Variants in RALGPS2 observed in about 807,000 individuals in gnomAD.
RALGPS2 encodes ras-specific guanine nucleotide-releasing factor RalGPS2.
Under a neutral mutation model 86.8 loss-of-function variants are expected in RALGPS2, and 43 were observed. The observed-to-expected ratio is 0.50, with a 90% CI of 0.39 to 0.64. RALGPS2 has a LOEUF of 0.64. Ranked by LOEUF, RALGPS2 falls within the 30% of genes least tolerant of loss-of-function variation. RALGPS2 has a pLI of 0.00. For synonymous variants in RALGPS2, 243 were observed against 231.3 expected (o/e 1.05, Z -0.46); for missense variants, 536 against 694.6 (o/e 0.77, Z 2.57).
chr1:178,847,335 A>G (rs1656916246), intron 8 of RALGPS2, among the ~76,000 whole-genome samples: 1 of 152,174 alleles, frequency 6.6e-6, no homozygotes, highest in Non-Finnish European at 1.5e-5. Flanking sequence ...AATCCCAGCT[A>G]CTGGGGAGGC....
chr1:178,812,622 T>C (rs1655035500), intron 6 of RALGPS2, among the ~76,000 whole-genome samples: 1 of 152,222 alleles, frequency 6.6e-6, no homozygotes, highest in African/African-American at 2.4e-5. Flanking sequence ...AATATATTTT[T>C]GGTTTCCTTT....
intron 8 of RALGPS2, chr1:178,868,978 T>G (rs761318327): frequency 6.6e-6 from 1 of 152,070 alleles, no homozygotes; most frequent in Non-Finnish European, 1.5e-5. Context: ...CATTCTCTTA[T>G]TTAATATTTT....
chr1:178,745,405 ATGT>A (rs1651261054), intron 1 of RALGPS2, among the ~76,000 whole-genome samples: 2 of 152,258 alleles, frequency 1.3e-5, no homozygotes, highest in Non-Finnish European at 2.9e-5. Context: ...AGTCAAAACA[ATGT>A]TGTATTTGTA....
intron 1 of RALGPS2, among the ~76,000 whole-genome samples, chr1:178,749,611 T>G (rs573713899): frequency 6.6e-6 from 1 of 152,302 alleles, no homozygotes; most frequent in Admixed American, 6.5e-5. Context: ...AGGAGTAGTA[T>G]TTTTCTAAAC....
intron 19 of RALGPS2, among the ~76,000 whole-genome samples, chr1:178,914,222 C>T (rs1035173824): frequency 1.3e-5 from 2 of 152,000 alleles, no homozygotes; most frequent in East Asian, 1.9e-4. Context: ...CGCCTATGGC[C>T]GTGTTCCTTT....
chr1:178,897,696 G>T lies in RALGPS2; in HGVS notation c.1464G>T (p.Leu488Phe). 6.2e-7 allele frequency: 1 copy of T among 1,612,652 alleles called. No homozygotes were observed. The highest frequency in any genetic ancestry group is 1.1e-5 in the South Asian group (1 of 91,030). The change falls in exon 17 of 20, where the codon TTG becomes TTT. Residue 488 changes from leucine (L) to phenylalanine (F), a missense_variant. Leu to Phe is a conservative substitution (Grantham distance 22). This residue lies in a region of RALGPS2 where 309 missense variants were observed against 363.0 expected (regional missense o/e 0.85). Transcript: ENST00000367635. ...VASWTKYWAA[L>F]CGTQLFYYAA... ...CTTGGACAAAATATTGGGCAGCTTT[G>T]TGTGGGACACAGCTTTTTTACTATG...
At chr1:178,855,504 T>C (rs1657473456) in intron 8 of RALGPS2, among the ~76,000 whole-genome samples, 1 of 152,020 alleles carries the variant, frequency 6.6e-6, no homozygotes, top group Non-Finnish European at 1.5e-5. Flanking sequence ...TATAATGCAA[T>C]ATCCATAAGT....
intron 15 of RALGPS2, among the ~76,000 whole-genome samples, chr1:178,893,633 T>G (rs1353657522): frequency 2.0e-5 from 3 of 151,954 alleles, no homozygotes; most frequent in Non-Finnish European, 4.4e-5. Flanking sequence ...ATTTTTAATT[T>G]AATATTTACT....
At chr1:178,771,356 T>C (rs777488361) in intron 1 of RALGPS2, among the ~76,000 whole-genome samples, 6 of 152,216 alleles carry the variant, frequency 3.9e-5, no homozygotes, top group Non-Finnish European at 8.8e-5. Flanking sequence ...TTGAAGAATA[T>C]ATTTATCGAA....
At chr1:178,816,599 A>G (rs922904040) in intron 6 of RALGPS2, among the ~76,000 whole-genome samples, 2 of 151,050 alleles carry the variant, frequency 1.3e-5, no homozygotes, top group Non-Finnish European at 3.0e-5. Flanking sequence ...TGTTATTTTT[A>G]TCTTTGTGGT....
At chr1:178,853,687 C>A in intron 8 of RALGPS2, 6 of 1,613,214 alleles carry the variant, frequency 3.7e-6, no homozygotes, top group Non-Finnish European at 4.2e-6. Flanking sequence ...TGTTTTCACA[C>A]CATAACTGCA....
intron 2 of RALGPS2, among the ~76,000 whole-genome samples, 167 bp downstream of exon 2, chr1:178,776,988 A>G (rs910539132): frequency 1.3e-5 from 2 of 151,512 alleles, no homozygotes; most frequent in Admixed American, 6.6e-5. Flanking sequence ...TTTAGGGTAC[A>G]TGTGCACATT....
chr1:178,865,579 G>T, intron 8 of RALGPS2: 1 of 1,614,054 alleles, frequency 6.2e-7, no homozygotes, highest in Non-Finnish European at 8.5e-7. Context: ...CCTTGGTGTT[G>T]ACACAGATTG....
At chr1:178,893,108 A>T (rs1659786090) in intron 15 of RALGPS2, among the ~76,000 whole-genome samples, 1 of 152,144 alleles carries the variant, frequency 6.6e-6, no homozygotes, top group Non-Finnish European at 1.5e-5. Flanking sequence ...GGAATTCTGC[A>T]GCTCATGTCA....
intron 7 of RALGPS2, among the ~76,000 whole-genome samples, chr1:178,828,299 T>C (rs959169290): frequency 1.3e-5 from 2 of 152,218 alleles, no homozygotes; most frequent in African/African-American, 2.4e-5. Context: ...TCAGACATCA[T>C]AGAGTGTAAT....
At chr1:178,858,879 AT>A (rs1484205045) in intron 8 of RALGPS2, among the ~76,000 whole-genome samples, 5 of 152,222 alleles carry the variant, frequency 3.3e-5, no homozygotes, top group Non-Finnish European at 7.4e-5. Context: ...AGAATTACAG[AT>A]TACAAAGAGA....
chr1:178,778,992 A>G (rs1201119379), intron 2 of RALGPS2, among the ~76,000 whole-genome samples: 1 of 152,238 alleles, frequency 6.6e-6, no homozygotes, highest in Non-Finnish European at 1.5e-5. Context: ...TAAAAGAAAC[A>G]TAGAATTTCT....
intron 8 of RALGPS2, among the ~76,000 whole-genome samples, chr1:178,836,971 G>C (rs1461491845): frequency 6.6e-6 from 1 of 152,038 alleles, no homozygotes; most frequent in African/African-American, 2.4e-5. Context: ...TGTAGAGACA[G>C]GATCTCGCCA....
At chr1:178,738,973 G>A (rs182742633) in intron 1 of RALGPS2, among the ~76,000 whole-genome samples, 60 of 152,266 alleles carry the variant, frequency 3.9e-4, no homozygotes, top group African/African-American at 1.4e-3. Context: ...TCTGGAATTA[G>A]CTTACATGAC....
Sources: gnomAD v4.1 joint callset for allele counts (sites outside exome capture counted in the v4.1 genomes callset) on GRCh38, gnomAD v4.1.1 for gene constraint, gnomAD v4.1.1 regional missense constraint, MANE v1.5 for transcripts, NCBI Gene and HGNC (gene_info 2026-07-23, HGNC 2026-07-21) for gene names.